CHMP3: variants seen among roughly 807,000 people sequenced by gnomAD.
CHMP3 encodes charged multivesicular body protein 3, also known as 25.1 protein.
CHMP3 carries 8 observed loss-of-function variants against 27.4 expected under a neutral mutation model. That is an observed-to-expected ratio of 0.29 (90% CI 0.17 to 0.53). The LOEUF (loss-of-function observed/expected upper bound fraction) is 0.53, where lower values mean the gene tolerates loss of function less well. Among genes scored for constraint, CHMP3 ranks in the 20% least tolerant of loss-of-function variants. CHMP3 has a pLI of 0.96. For synonymous variants in CHMP3, 86 were observed against 85.5 expected, an observed-to-expected ratio of 1.01 and a Z score of -0.03; for missense variants, 208 against 271.5, an observed-to-expected ratio of 0.77 and a Z score of 1.64.
chr2:86,535,834 GA>G (rs1298619173), intron 2 of CHMP3, among the ~76,000 whole-genome samples: 1 of 152,026 alleles, frequency 6.6e-6, no homozygotes, highest in East Asian at 1.9e-4. Context: ...AAAGCAGTAA[GA>G]AAACTATGCT....
chr2:86,504,526 T>C lies in CHMP3; in HGVS notation c.*1278A>G, dbSNP rs1441384256. 1 of 82,428 alleles carries C rather than the reference T, an allele frequency of 1.2e-5. No individual in the cohort carries two copies. Among genetic ancestry groups the C allele is most frequent in the East Asian group, 6.5e-4 (1 of 1,548 alleles). The allele number at this position is 82,428 out of a possible 1,614,324, so 5.1% of individuals were successfully genotyped here. On this transcript the variant is annotated 3_prime_UTR_variant, in exon 6 of 6. Transcript: ENST00000263856. ...TTTTTTTTTTTTTTTTTTTTTTTTT[T>C]TGGAGAGACAGGATCTTGCTATGTT... is the stretch of plus-strand genomic sequence containing the variant.
intron 3 of CHMP3, among the ~76,000 whole-genome samples, chr2:86,518,832 A>G (rs967160077): frequency 1.3e-5 from 2 of 152,202 alleles, no homozygotes; most frequent in Admixed American, 6.5e-5. Context: ...ACTGAGATAA[A>G]GTTTAGCTGT....
chr2:86,549,843 C>G (rs1275985823), intron 1 of CHMP3, among the ~76,000 whole-genome samples: 1 of 150,390 alleles, frequency 6.6e-6, no homozygotes. Context: ...AAGAGGCGCT[C>G]CTCGCCTCCC....
Position 86,533,374 on chromosome 2 carries a change from T to C in CHMP3, c.107-3977A>G, listed in dbSNP as rs148137625. Among the ~76,000 whole-genome samples, 113 of 152,336 alleles carry C rather than the reference T, an allele frequency of 7.4e-4. 2 individuals are homozygous for C. The highest frequency in any genetic ancestry group is 2.7e-3 in the African/African-American group (112 of 41,580). On this transcript the variant is annotated intron_variant, in intron 2 of 5. Coordinates refer to ENST00000263856, the MANE Select transcript of CHMP3 (RefSeq NM_016079.4). ...TCTTTTTCAAGAACCAACTATGGAT[T>C]TTGTTAATGCTCTCTATTCTTTTTC...
In CHMP3 at chr2:86,505,812, G is replaced by A. The variant is rs1674864788; in HGVS notation, c.661C>T (p.Arg221Cys). 1.3e-6 allele frequency: 2 copies of A among 1,583,922 alleles called. No homozygotes were observed. Among genetic ancestry groups the A allele is most frequent in the Non-Finnish European group, 1.7e-6 (2 of 1,164,534 alleles). The part of the protein sequence containing the change: ...EAMQSRLATL[R>C]S ...AGCGGGGTAGGCAGCCCCTAGCTGC[G>A]GAGTGTGGCCAGCCGGGACTGCATG... The change falls in exon 6 of 6, where the codon CGC becomes TGC. Residue 221 changes from arginine to cysteine, a missense_variant. Coordinates refer to ENST00000263856, the MANE Select transcript of CHMP3 (RefSeq NM_016079.4).
chr2:86,511,065 G>A (rs184434968), intron 3 of CHMP3: 2 of 152,256 alleles, frequency 1.3e-5, no homozygotes, highest in African/African-American at 2.4e-5. Context: ...AAGAAATCAC[G>A]GTAGTATCAA....
chr2:86,545,026 G>A (rs1248587391), intron 1 of CHMP3, among the ~76,000 whole-genome samples: 10 of 72,612 alleles, frequency 1.4e-4, no homozygotes, highest in Admixed American at 1.4e-4. Context: ...CTCACCTCCC[G>A]GACGAAGGGC....
chr2:86,521,938 G>A (rs1026958748), intron 3 of CHMP3, among the ~76,000 whole-genome samples: 5 of 152,016 alleles, frequency 3.3e-5, no homozygotes, highest in South Asian at 4.1e-4. Context: ...CCATTCTTTC[G>A]GGTATATCTC....
chr2:86,530,707 T>C (rs1229034163), intron 2 of CHMP3, among the ~76,000 whole-genome samples: 1 of 152,224 alleles, frequency 6.6e-6, no homozygotes, highest in African/African-American at 2.4e-5. Context: ...TGTTAGGTTA[T>C]AGGGTAATTC....
chr2:86,552,495 C>T (rs941149354), intron 1 of CHMP3, among the ~76,000 whole-genome samples: 1 of 152,180 alleles, frequency 6.6e-6, no homozygotes, highest in African/African-American at 2.4e-5. Context: ...AGGAAAGGGA[C>T]ACCTATAAAT....
chr2:86,514,196 A>G (rs1675208951), intron 3 of CHMP3, among the ~76,000 whole-genome samples: 1 of 152,218 alleles, frequency 6.6e-6, no homozygotes, highest in Non-Finnish European at 1.5e-5. Flanking sequence ...CAAGATAACC[A>G]GCTCGAAGCA....
In CHMP3 at chr2:86,557,891, T is replaced by C. The variant is rs567917293; in HGVS notation, c.45+5413A>G. The stretch of plus-strand genomic sequence containing the variant: ...CAGTCTCCTCCAGTAAACTATATTC[T>C]TTGAAGTCATCTAGTGTCTTATTTT... On this transcript the variant is annotated intron_variant, in intron 1 of 5. Coordinates refer to ENST00000263856, the MANE Select transcript of CHMP3 (RefSeq NM_016079.4). Among the ~76,000 whole-genome samples the C allele has an allele frequency of 8.5e-5, 13 of 152,348 alleles. No homozygotes were observed. The East Asian group carries it at 2.5e-3, about 29-fold the overall frequency.
At chr2:86,538,339 T>C (rs1345712541) in intron 2 of CHMP3, among the ~76,000 whole-genome samples, 1 of 152,154 alleles carries the variant, frequency 6.6e-6, no homozygotes, top group African/African-American at 2.4e-5. Context: ...GATCTGGAGA[T>C]GGATAGTGGT....
chr2:86,505,731 G>T lies in CHMP3; in HGVS notation c.*73C>A. Reference sequence around the variant, plus strand: ...CAAAATGGTAGTCCTCACAACAGAGGTGTAGTGCAAGAGACACATAAAATG... The same window carrying T: ...CAAAATGGTAGTCCTCACAACAGAGTTGTAGTGCAAGAGACACATAAAATG... On this transcript the variant is annotated 3_prime_UTR_variant, in exon 6 of 6. Transcript: ENST00000263856. 1 of 1,396,864 alleles carries T rather than the reference G, an allele frequency of 7.2e-7. No individual in the cohort carries two copies. The highest frequency in any genetic ancestry group is 9.4e-7 in the Non-Finnish European group (1 of 1,066,642). The allele number at this position is 1,396,864 out of a possible 1,614,324, so 86.5% of individuals were successfully genotyped here.
chr2:86,529,506 A>T, intron 2 of CHMP3, 109 bp from the exon 3 acceptor site: 1 of 1,052,190 alleles, frequency 9.5e-7, no homozygotes, highest in Non-Finnish European at 1.3e-6. Flanking sequence ...AAACATATAG[A>T]AGGATATACA....
chr2:86,555,338 TAAAG>T (rs1412428746), intron 1 of CHMP3, among the ~76,000 whole-genome samples: 2 of 151,824 alleles, frequency 1.3e-5, no homozygotes, highest in Non-Finnish European at 2.9e-5. Flanking sequence ...GAAAATGCAA[TAAAG>T]AGAGTAAGCA....
At chr2:86,545,368 T>C (rs1375917090) in intron 1 of CHMP3, among the ~76,000 whole-genome samples, 11 of 120,416 alleles carry the variant, frequency 9.1e-5, no homozygotes, top group African/African-American at 3.3e-4. Context: ...GAGGCGCTCC[T>C]CACCTCCCGG....
At chr2:86,517,929 G>C (rs1189559237) in intron 3 of CHMP3, among the ~76,000 whole-genome samples, 1 of 152,066 alleles carries the variant, frequency 6.6e-6, no homozygotes, top group Non-Finnish European at 1.5e-5. Flanking sequence ...GCTGAGGTGG[G>C]AGGATCACCT....
intron 3 of CHMP3, among the ~76,000 whole-genome samples, chr2:86,527,682 CG>C (rs1165615214): frequency 1.3e-5 from 2 of 151,988 alleles, no homozygotes; most frequent in African/African-American, 4.8e-5. Context: ...GAAGATAGGC[CG>C]GAAGTGGTGG....
Sources: gnomAD v4.1 joint callset for allele counts (sites outside exome capture counted in the v4.1 genomes callset) on GRCh38, gnomAD v4.1.1 for gene constraint, MANE v1.5 for transcripts, NCBI Gene and HGNC (gene_info 2026-07-23, HGNC 2026-07-21) for gene names.